PKIB: variants seen among roughly 807,000 people sequenced by gnomAD.
PKIB encodes the protein PKI-beta.
In PKIB, 2 loss-of-function variants were observed where a neutral mutation model predicts 4.5. That is an observed-to-expected ratio of 0.44 (90% CI 0.18 to 1.39). PKIB has a LOEUF of 1.39. Among genes scored for constraint, PKIB ranks in the 40% most tolerant of loss-of-function variants. The pLI, the probability that PKIB is intolerant of heterozygous loss-of-function variation, is 0.27. For synonymous variants in PKIB, 38 were observed against 36.0 expected (o/e 1.06, Z -0.20); for missense variants, 94 against 92.6 (o/e 1.02, Z -0.06).
At chr6:122,501,154 T>C (rs1425534781) in intron 2 of PKIB, among the ~76,000 whole-genome samples, 1 of 152,186 alleles carries the variant, frequency 6.6e-6, no homozygotes, top group African/African-American at 2.4e-5. Flanking sequence ...TTCCCAACAG[T>C]CCCCTAAAGT....
intron 3 of PKIB, among the ~76,000 whole-genome samples, chr6:122,712,873 T>A (rs1779328765): frequency 6.6e-6 from 1 of 152,146 alleles, no homozygotes; most frequent in Non-Finnish European, 1.5e-5. Flanking sequence ...AGGAAACAGT[T>A]TGCAAAACTT....
Position 122,675,820 on chromosome 6 carries a change from G to GA in PKIB, c.-9+684dup, listed in dbSNP as rs560426227. ...GAAAAAAAATTATGTTTTTTTCCCTGAAAAAAAATCATGTCTAATGAAGTT... is the reference window on the plus strand; with the variant it reads ...GAAAAAAAATTATGTTTTTTTCCCTGAAAAAAAAATCATGTCTAATGAAGTT... On this transcript the variant is annotated intron_variant, in intron 3 of 4. Transcript: ENST00000368452. Among the ~76,000 whole-genome samples the GA allele has an allele frequency of 7.3e-5, 11 of 151,592 alleles. No individual in the cohort carries two copies. In the South Asian group the frequency reaches 1.5e-3, roughly 20 times the overall value.
rs181876984 is a variant in PKIB at position 122,655,670 on chromosome 6, C to T, written c.-75-19408C>T. 1.6e-3 allele frequency among the ~76,000 whole-genome samples: 238 copies of T among 151,994 alleles called. 3 individuals are homozygous for T. Among genetic ancestry groups the T allele is most frequent in the African/African-American group, 5.5e-3 (228 of 41,452 alleles). ...GTAACAGTCTAGTAGAGAAGACAGA[C>T]ATAAATAAATAAAAGTACACATATA... On this transcript the variant is annotated intron_variant, in intron 2 of 4. Coordinates refer to ENST00000368452, the MANE Select transcript of PKIB (RefSeq NM_181795.3).
intron 1 of PKIB, among the ~76,000 whole-genome samples, chr6:122,632,565 T>G (rs1775744620): frequency 6.6e-6 from 1 of 152,202 alleles, no homozygotes; most frequent in Non-Finnish European, 1.5e-5. Context: ...AAATGGGGAC[T>G]TTTTTACATA....
intron 1 of PKIB, among the ~76,000 whole-genome samples, chr6:122,476,962 A>T (rs946150898): frequency 1.3e-4 from 20 of 152,214 alleles, no homozygotes; most frequent in African/African-American, 4.8e-4. Context: ...GCAACGTCTA[A>T]ATCAGCACCT....
intron 1 of PKIB, among the ~76,000 whole-genome samples, chr6:122,473,249 C>CA (rs1250694026): frequency 1.3e-5 from 2 of 152,042 alleles, no homozygotes; most frequent in East Asian, 3.9e-4. Context: ...GAGAAGGAGA[C>CA]AAAAAACACT....
At chr6:122,553,197 C>A (rs913095869) in intron 2 of PKIB, among the ~76,000 whole-genome samples, 1 of 152,048 alleles carries the variant, frequency 6.6e-6, no homozygotes, top group Non-Finnish European at 1.5e-5. Context: ...TCCATTTATC[C>A]CCTGGCTACC....
At chr6:122,640,479 T>A (rs1208346633) in intron 2 of PKIB, among the ~76,000 whole-genome samples, 1 of 152,208 alleles carries the variant, frequency 6.6e-6, no homozygotes, top group East Asian at 1.9e-4. Flanking sequence ...TCAACTTCAG[T>A]TTGTCATATC....
chr6:122,704,099 C>T (rs1041806070), intron 3 of PKIB, among the ~76,000 whole-genome samples: 3 of 151,858 alleles, frequency 2.0e-5, no homozygotes, highest in African/African-American at 7.3e-5. Context: ...CCACTATTGT[C>T]GGTTCCAGGC....
intron 3 of PKIB, among the ~76,000 whole-genome samples, chr6:122,696,493 G>A (rs1778577216): frequency 6.6e-6 from 1 of 152,158 alleles, no homozygotes; most frequent in Non-Finnish European, 1.5e-5. Flanking sequence ...GAAAATTTGG[G>A]TATCAAAAAG....
rs201751653 is a variant in PKIB at position 122,703,193 on chromosome 6, A to G, written c.-8-14594A>G. On this transcript the variant is annotated intron_variant, in intron 3 of 4. Coordinates refer to ENST00000368452, the MANE Select transcript of PKIB (RefSeq NM_181795.3). ...CACATGCATATTGTCTATGTACTGA[A>G]CACACATTGTATATGATATTGTTAT... 6.6e-5 allele frequency among the ~76,000 whole-genome samples: 10 copies of G among 152,324 alleles called. No homozygotes were observed. The East Asian group carries it at 1.9e-3, about 29-fold the overall frequency.
intron 2 of PKIB, chr6:122,484,061 C>T (rs539491749): frequency 6.6e-6 from 1 of 152,122 alleles, no homozygotes; most frequent in Admixed American, 6.6e-5. Flanking sequence ...CTGCCATCAC[C>T]TAACCTAGTG....
At chr6:122,472,552 G>T (rs1008696484) in intron 1 of PKIB, among the ~76,000 whole-genome samples, 18 of 152,088 alleles carry the variant, frequency 1.2e-4, no homozygotes, top group Non-Finnish European at 2.2e-4. Flanking sequence ...AAAAGTTCCA[G>T]TTATTTTTTT....
chr6:122,701,232 C>A, intron 3 of PKIB: 1 of 478,412 alleles, frequency 2.1e-6, no homozygotes, highest in Non-Finnish European at 3.8e-6. Flanking sequence ...ATGGTGTGGC[C>A]ACTTTCCTTC....
intron 2 of PKIB, among the ~76,000 whole-genome samples, chr6:122,640,108 A>G (rs1193133569): frequency 6.6e-6 from 1 of 152,122 alleles, no homozygotes; most frequent in Non-Finnish European, 1.5e-5. Context: ...GAAAAAAATA[A>G]TGAGTGTAAA....
At chr6:122,575,297 C>A (rs1486621984) in intron 2 of PKIB, among the ~76,000 whole-genome samples, 1 of 152,052 alleles carries the variant, frequency 6.6e-6, no homozygotes, top group Non-Finnish European at 1.5e-5. Flanking sequence ...TTTTATATTG[C>A]TGGTGGGAAT....
chr6:122,689,242 A>G (rs1309108689), intron 3 of PKIB, among the ~76,000 whole-genome samples: 1 of 151,482 alleles, frequency 6.6e-6, no homozygotes, highest in African/African-American at 2.4e-5. Flanking sequence ...CCTTTGTGTT[A>G]TTTCTTCATT....
intron 2 of PKIB, among the ~76,000 whole-genome samples, chr6:122,530,789 A>C (rs1582679451): frequency 6.6e-6 from 1 of 151,984 alleles, no homozygotes; most frequent in Non-Finnish European, 1.5e-5. Context: ...AACGTGGTCA[A>C]CTCTCCTGTT....
chr6:122,507,234 A>T (rs897753430), intron 2 of PKIB, among the ~76,000 whole-genome samples: 8 of 152,022 alleles, frequency 5.3e-5, no homozygotes, highest in African/African-American at 1.9e-4. Flanking sequence ...AAAGAGGGGG[A>T]ACTGATAACT....
Sources: allele counts gnomAD v4.1 joint callset (sites outside exome capture counted in the v4.1 genomes callset), GRCh38; gene constraint gnomAD v4.1.1; transcripts MANE v1.5; gene names NCBI Gene and HGNC (gene_info 2026-07-23, HGNC 2026-07-21).